SNTG1: variants seen among roughly 807,000 people sequenced by gnomAD.
SNTG1 encodes gamma-1-syntrophin.
A neutral mutation model predicts 74.7 loss-of-function variants in SNTG1; 39 were observed. The ratio of observed to expected loss-of-function variants is 0.52; its 90% CI spans 0.40 to 0.68. The LOEUF (loss-of-function observed/expected upper bound fraction) is 0.68. Ranked by LOEUF, SNTG1 falls within the 30% of genes least tolerant of loss-of-function variation. SNTG1 has a pLI of 0.00. For synonymous variants in SNTG1, 254 were observed against 217.1 expected (o/e 1.17, Z -1.49); for missense variants, 685 against 609.5 (o/e 1.12, Z -1.30).
chr8:50,162,239 C>T (rs2082441171), intron 1 of SNTG1, among the ~76,000 whole-genome samples: 2 of 152,074 alleles, frequency 1.3e-5, no homozygotes, highest in Admixed American at 6.5e-5. Flanking sequence ...AGTGAGGCTG[C>T]CCAGAGTGAA....
chr8:50,611,893 C>T (rs1278165872), intron 13 of SNTG1, among the ~76,000 whole-genome samples: 1 of 152,068 alleles, frequency 6.6e-6, no homozygotes, highest in Non-Finnish European at 1.5e-5. Flanking sequence ...CAGCCTCCTC[C>T]ATAGCTGGGA....
At chr8:50,464,382 G>C (rs1364729206) in intron 8 of SNTG1, among the ~76,000 whole-genome samples, 2 of 152,100 alleles carry the variant, frequency 1.3e-5, no homozygotes, top group Non-Finnish European at 2.9e-5. Flanking sequence ...TTTAAAGTGA[G>C]AGGTGTGGGA....
At chr8:50,359,113 A>T (rs1172238188) in intron 2 of SNTG1, among the ~76,000 whole-genome samples, 1 of 152,210 alleles carries the variant, frequency 6.6e-6, no homozygotes, top group African/African-American at 2.4e-5. Flanking sequence ...CTTTGCTGTC[A>T]TAACTGAAGC....
At chr8:49,987,606 G>A (rs931808790) in intron 1 of SNTG1, among the ~76,000 whole-genome samples, 12 of 151,612 alleles carry the variant, frequency 7.9e-5, no homozygotes, top group East Asian at 1.9e-4. Context: ...ATATTAGGTC[G>A]GTGCAAAAGT....
At position 50,313,891 on chromosome 8, in the gene SNTG1, A is replaced by G. The variant is rs192018827; in HGVS notation, c.-27-80321A>G. Among the ~76,000 whole-genome samples, 159 of 150,134 alleles carry G rather than the reference A, an allele frequency of 1.1e-3. 4 individuals carry two copies. The highest frequency in any genetic ancestry group is 1.3e-3 in the South Asian group (6 of 4,480). ...CTCTTACTTCTGCCTCAAATACTTCAGTGTGCATATCTGAAATACAAGGAT... is the reference window on the plus strand; with the variant it reads ...CTCTTACTTCTGCCTCAAATACTTCGGTGTGCATATCTGAAATACAAGGAT... On this transcript the variant is annotated intron_variant, in intron 2 of 18. Transcript: ENST00000642720.
At chr8:50,215,508 G>A (rs1318838734) in intron 2 of SNTG1, among the ~76,000 whole-genome samples, 1 of 148,194 alleles carries the variant, frequency 6.7e-6, no homozygotes, top group Non-Finnish European at 1.5e-5. Flanking sequence ...AGGCATAGAT[G>A]AAAGGTTGAG....
At chr8:50,170,746 C>T (rs1200052811) in intron 1 of SNTG1, among the ~76,000 whole-genome samples, 3 of 152,170 alleles carry the variant, frequency 2.0e-5, no homozygotes, top group African/African-American at 7.2e-5. Flanking sequence ...GGGGGTTCTA[C>T]CAAGCTTGTG....
chr8:50,392,748 G>T (rs77803892), intron 2 of SNTG1, among the ~76,000 whole-genome samples: 2,814 of 152,210 alleles, frequency 0.018, 90 homozygotes, highest in African/African-American at 0.063. Flanking sequence ...ATTGAAAAAA[G>T]GAAGATGTGC....
intron 17 of SNTG1, among the ~76,000 whole-genome samples, chr8:50,740,751 A>G (rs1045944169): frequency 2.0e-5 from 3 of 152,114 alleles, no homozygotes; most frequent in Non-Finnish European, 4.4e-5. Flanking sequence ...AATGCCCATC[A>G]GTGGTAAACT....
At chr8:50,721,352 C>T (rs1013800309) in intron 17 of SNTG1, among the ~76,000 whole-genome samples, 1 of 152,188 alleles carries the variant, frequency 6.6e-6, no homozygotes, top group African/African-American at 2.4e-5. Context: ...CTCTAGGTTA[C>T]TGGCATTTTC....
In SNTG1 at chr8:50,214,079, T is replaced by TA. The variant is rs576097045; in HGVS notation, c.-28+41450dup. Reference sequence around the variant, plus strand: ...TGGTTTAAGGTCTAATTTGCAGCCATAAAAAATGATGAGTTCATGTCCTTT... The same window carrying TA: ...TGGTTTAAGGTCTAATTTGCAGCCATAAAAAAATGATGAGTTCATGTCCTTT... On this transcript the variant is annotated intron_variant, in intron 2 of 18. Coordinates refer to ENST00000642720, the MANE Select transcript of SNTG1 (RefSeq NM_018967.5). 1.2e-3 allele frequency among the ~76,000 whole-genome samples: 177 copies of TA among 151,960 alleles called. No homozygotes were observed. In the South Asian group the frequency reaches 0.015, roughly 13 times the overall value.
chr8:50,041,589 A>G (rs1818646000), intron 1 of SNTG1, among the ~76,000 whole-genome samples: 1 of 152,108 alleles, frequency 6.6e-6, no homozygotes, highest in African/African-American at 2.4e-5. Flanking sequence ...ATCCTCTTTT[A>G]TCCAGTTTGT....
chr8:50,215,770 A>G (rs1197387710), intron 2 of SNTG1, among the ~76,000 whole-genome samples: 1 of 152,058 alleles, frequency 6.6e-6, no homozygotes, highest in Admixed American at 6.6e-5. Flanking sequence ...CTTTCTAGAA[A>G]GTTTTCAGAA....
intron 12 of SNTG1, among the ~76,000 whole-genome samples, chr8:50,561,168 C>T (rs993593057): frequency 3.4e-4 from 52 of 152,050 alleles, no homozygotes; most frequent in African/African-American, 1.2e-3. Flanking sequence ...CTCATGAAAG[C>T]TGATGGTTTT....
intron 13 of SNTG1, among the ~76,000 whole-genome samples, chr8:50,651,042 T>C (rs2095142288): frequency 6.6e-6 from 1 of 152,172 alleles, no homozygotes; most frequent in South Asian, 2.1e-4. Flanking sequence ...ATATCATTTA[T>C]AAGATTTTTA....
intron 1 of SNTG1, among the ~76,000 whole-genome samples, chr8:50,140,369 C>A (rs895486718): frequency 2.0e-5 from 3 of 152,138 alleles, no homozygotes; most frequent in Admixed American, 2.0e-4. Context: ...CCTTTCTCAG[C>A]CAGATTTCCC....
chr8:50,780,411 T>G (rs1316291526), intron 18 of SNTG1, among the ~76,000 whole-genome samples: 1 of 152,242 alleles, frequency 6.6e-6, no homozygotes, highest in Non-Finnish European at 1.5e-5. Context: ...GAGAGTCAAC[T>G]TCTTCCTGGT....
At chr8:50,214,610 C>G (rs2084688692) in intron 2 of SNTG1, among the ~76,000 whole-genome samples, 1 of 152,004 alleles carries the variant, frequency 6.6e-6, no homozygotes, top group Non-Finnish European at 1.5e-5. Flanking sequence ...GTGCACTCAT[C>G]TACTGTGTTT....
At chr8:50,232,905 A>T (rs2085701394) in intron 2 of SNTG1, among the ~76,000 whole-genome samples, 3 of 151,554 alleles carry the variant, frequency 2.0e-5, no homozygotes, top group African/African-American at 7.2e-5. Flanking sequence ...AAACTCAATG[A>T]TTCTGGTGAA....
Sources: allele counts gnomAD v4.1 joint callset (sites outside exome capture counted in the v4.1 genomes callset), GRCh38; gene constraint gnomAD v4.1.1; transcripts MANE v1.5; gene names NCBI Gene and HGNC (gene_info 2026-07-23, HGNC 2026-07-21).